TNS3: variants seen among roughly 807,000 people sequenced by gnomAD.
The protein encoded by TNS3 is tensin 3.
In TNS3, 45 loss-of-function variants were observed where a neutral mutation model predicts 140.9. That is an observed-to-expected ratio of 0.32 (90% CI 0.25 to 0.41). The LOEUF (loss-of-function observed/expected upper bound fraction) is 0.41. TNS3 is among the 10% of genes least tolerant of loss of function. The pLI is 1.00. For missense variants in TNS3, 1,716 were observed against 1,906.7 expected, an observed-to-expected ratio of 0.90 and a Z score of 1.86; for synonymous variants, 815 against 788.4, an observed-to-expected ratio of 1.03 and a Z score of -0.56.
chr7:47,282,138 G>A (rs1055211761), intron 28 of TNS3, among the ~76,000 whole-genome samples: 4 of 146,506 alleles, frequency 2.7e-5, no homozygotes, highest in Non-Finnish European at 6.0e-5. Flanking sequence ...CACACCCAAC[G>A]GGAACCCTGA....
chr7:47,297,295 C>CT (rs5883997), intron 23 of TNS3, 82 bp from the exon 24 acceptor site: 607,454 of 1,498,872 alleles, frequency 0.41, 128,156 homozygotes, highest in Non-Finnish European at 0.44. Flanking sequence ...GGTAGGTCCT[C>CT]TCCCCTTACT....
chr7:47,309,810 A>G (rs1786979717), intron 20 of TNS3, among the ~76,000 whole-genome samples: 1 of 152,276 alleles, frequency 6.6e-6, no homozygotes, highest in Non-Finnish European at 1.5e-5. Flanking sequence ...CAAAGCCAGT[A>G]CTAGAAAGAG....
rs145440338 is a variant in TNS3 at position 47,509,926 on chromosome 7, G to A, written c.-152-2982C>T. 6.6e-5 allele frequency among the ~76,000 whole-genome samples: 10 copies of A among 152,298 alleles called. No homozygotes were observed. In the East Asian group the frequency reaches 1.5e-3, roughly 24 times the overall value. On this transcript the variant is annotated intron_variant, in intron 2 of 30. Transcript: ENST00000311160. ...GGCTGCAAGCTCCTCAAGGGACAGC[G>A]TCTCTGTTGTGCATGACCAGGGTCT...
intron 17 of TNS3, among the ~76,000 whole-genome samples, chr7:47,362,088 G>C (rs527693588): frequency 2.0e-5 from 3 of 152,278 alleles, no homozygotes; most frequent in African/African-American, 7.2e-5. Flanking sequence ...GACCCAGAGT[G>C]GGGCGGGGAC....
intron 13 of TNS3, among the ~76,000 whole-genome samples, chr7:47,408,886 C>G (rs1466940430): frequency 6.6e-6 from 1 of 152,080 alleles, no homozygotes; most frequent in Non-Finnish European, 1.5e-5. Flanking sequence ...CCTCCTGTGA[C>G]CTCTCCCACC....
intron 3 of TNS3, among the ~76,000 whole-genome samples, chr7:47,500,519 T>C (rs543664825): frequency 6.6e-6 from 1 of 152,256 alleles, no homozygotes; most frequent in African/African-American, 2.4e-5. Flanking sequence ...TGACAGAGCA[T>C]ATCTAAAGCA....
intron 17 of TNS3, among the ~76,000 whole-genome samples, chr7:47,351,309 T>G (rs1419339693): frequency 6.6e-6 from 1 of 152,178 alleles, no homozygotes; most frequent in Non-Finnish European, 1.5e-5. Context: ...GGGAGGTAGT[T>G]TTCTGGACCA....
chr7:47,487,651 GC>G (rs1797661641), intron 3 of TNS3, among the ~76,000 whole-genome samples: 1 of 152,184 alleles, frequency 6.6e-6, no homozygotes. Context: ...AAACGGGCCA[GC>G]CACTGACCTT....
At position 47,368,812 on chromosome 7, in the gene TNS3, C is replaced by T. The variant is rs562995079; in HGVS notation, c.1834G>A (p.Val612Met). 2.8e-4 allele frequency: 447 copies of T among 1,610,952 alleles called. 5 individuals are homozygous for T. In the South Asian group the frequency reaches 4.6e-3, roughly 17 times the overall value. Reference protein sequence around the residue: ...SFAPDGEARLVSRCPADNPGL... With the variant: ...SFAPDGEARLMSRCPADNPGL... The stretch of plus-strand genomic sequence containing the variant: ...GGATTGTCTGCAGGGCAGCGGCTCA[C>T]CAGCCGGGCCTCCCCATCTGGGGCG... The change falls in exon 17 of 31, where the codon GTG (valine) becomes ATG (methionine). Residue 612 changes from valine (V) to methionine (M), a missense_variant. Coordinates refer to ENST00000311160, the MANE Select transcript of TNS3 (RefSeq NM_022748.12).
chr7:47,556,898 C>A (rs1800209137), intron 1 of TNS3: 3 of 393,528 alleles, frequency 7.6e-6, no homozygotes, highest in South Asian at 5.6e-5. Context: ...ATTCTCAATG[C>A]AACGGTGCTG....
At chr7:47,457,827 A>C (rs2151671216) in intron 4 of TNS3, among the ~76,000 whole-genome samples, 1 of 152,222 alleles carries the variant, frequency 6.6e-6, no homozygotes, top group South Asian at 2.1e-4. Flanking sequence ...CAGACAGGTT[A>C]CTCTGGGTAG....
chr7:47,315,552 AC>A (rs1473137764), intron 20 of TNS3, among the ~76,000 whole-genome samples: 2 of 152,224 alleles, frequency 1.3e-5, no homozygotes, highest in African/African-American at 4.8e-5. Context: ...GAAGCTGGAT[AC>A]CACTCATTCT....
chr7:47,369,612 G>A lies in TNS3; in HGVS notation c.1034C>T (p.Thr345Met), dbSNP rs201705231. The change falls in exon 17 of 31, where the codon ACG becomes ATG. Residue 345 changes from threonine to methionine, a missense_variant. By Grantham distance (81) the Thr-to-Met change is moderately conservative (BLOSUM62 -1). Transcript: ENST00000311160. The part of the protein sequence containing the change: ...NLSADGEVLH[T>M]QGPVDGSLYA... Reference sequence around the variant, plus strand: ...AAGGCTGCCATCGACAGGGCCCTGCGTGTGTAGCACTGCGGGGGAGAAAAC... The same window carrying A: ...AAGGCTGCCATCGACAGGGCCCTGCATGTGTAGCACTGCGGGGGAGAAAAC... 34 of 1,578,926 alleles carry A rather than the reference G, an allele frequency of 2.2e-5. No homozygotes were observed. The Admixed American group carries it at 3.0e-4, about 14-fold the overall frequency.
chr7:47,313,739 C>T (rs766944397), intron 20 of TNS3, among the ~76,000 whole-genome samples: 1 of 152,158 alleles, frequency 6.6e-6, no homozygotes, highest in Non-Finnish European at 1.5e-5. Context: ...ACTCCCATGG[C>T]GCCTGGGAAT....
chr7:47,411,299 T>A (rs577357047), intron 13 of TNS3, among the ~76,000 whole-genome samples: 1 of 152,218 alleles, frequency 6.6e-6, no homozygotes, highest in East Asian at 1.9e-4. Context: ...ACCAATCTTT[T>A]TGGCACCAGG....
intron 16 of TNS3, among the ~76,000 whole-genome samples, chr7:47,382,004 G>A (rs193038580): frequency 1.3e-5 from 2 of 152,292 alleles, no homozygotes; most frequent in African/African-American, 4.8e-5. Context: ...CCTGAGCACC[G>A]GGGTCTTTCC....
intron 17 of TNS3, among the ~76,000 whole-genome samples, chr7:47,361,983 T>C (rs1790362428): frequency 6.6e-6 from 1 of 152,226 alleles, no homozygotes; most frequent in African/African-American, 2.4e-5. Flanking sequence ...TTGAGTCATT[T>C]CTTTTGTTAC....
At chr7:47,349,162 C>G (rs1236843825) in intron 17 of TNS3, among the ~76,000 whole-genome samples, 1 of 151,954 alleles carries the variant, frequency 6.6e-6, no homozygotes, top group East Asian at 1.9e-4. Flanking sequence ...CTCTCTCTCC[C>G]CAAAGAATTA....
At chr7:47,285,492 A>G (rs1020039430) in intron 27 of TNS3, among the ~76,000 whole-genome samples, 3 of 152,278 alleles carry the variant, frequency 2.0e-5, no homozygotes, top group Admixed American at 6.5e-5. Flanking sequence ...CTTGCCTGCC[A>G]CCATGTAAGA....
Sources: allele counts gnomAD v4.1 joint callset (sites outside exome capture counted in the v4.1 genomes callset), GRCh38; gene constraint gnomAD v4.1.1; transcripts MANE v1.5; gene names NCBI Gene and HGNC (gene_info 2026-07-23, HGNC 2026-07-21).